SENP1: variants seen among roughly 807,000 people sequenced by gnomAD.
The protein encoded by SENP1 is SUMO specific peptidase 1, also known as sentrin-specific protease 1.
A neutral mutation model predicts 93.0 loss-of-function variants in SENP1; 21 were observed. The ratio of observed to expected loss-of-function variants is 0.23; its 90% confidence interval spans 0.16 to 0.33. SENP1 has a LOEUF of 0.33. SENP1 is among the 10% of genes least tolerant of loss of function. The pLI is 1.00. For missense variants in SENP1, 591 were observed against 758.7 expected (o/e 0.78, Z 2.60); for synonymous variants, 256 against 259.6 (o/e 0.99, Z 0.13).
intron 3 of SENP1, 196 bp downstream of exon 3, chr12:48,097,798 T>C (rs771442413): frequency 1.3e-4 from 65 of 481,796 alleles, no homozygotes; most frequent in Non-Finnish European, 2.0e-4. Flanking sequence ...AAAGAACTCA[T>C]ACATAGCCTA....
intron 11 of SENP1, 104 bp from the exon 12 acceptor site, chr12:48,065,324 G>T: frequency 4.3e-6 from 4 of 936,822 alleles, no homozygotes; most frequent in South Asian, 1.8e-5. Context: ...GTCAAAGAGC[G>T]TGCTTAAATG....
intron 13 of SENP1, among the ~76,000 whole-genome samples, chr12:48,060,099 G>A (rs12580764): frequency 0.23 from 34,347 of 151,996 alleles, 4,558 homozygotes; most frequent in East Asian, 0.55. Context: ...ACCCTAGAAA[G>A]CTGGGGATAT....
At chr12:48,095,475 G>T (rs1164415870) in intron 4 of SENP1, among the ~76,000 whole-genome samples, 1 of 147,580 alleles carries the variant, frequency 6.8e-6, no homozygotes, top group Non-Finnish European at 1.5e-5. Context: ...GGCAGAGGTT[G>T]CAGTGAGCTG....
In SENP1 at chr12:48,074,672, T is replaced by C. The variant is rs1455745024; in HGVS notation, c.656+18A>G. On this transcript the variant is annotated intron_variant, in intron 7 of 17. Coordinates refer to ENST00000549518, the MANE Select transcript of SENP1 (RefSeq NM_001267594.2). ...ATTGTAGAATTAAATTCATCTGAAATATGCTTCTGTGACTCACAGGTGTAA... is the reference window on the plus strand; with the variant it reads ...ATTGTAGAATTAAATTCATCTGAAACATGCTTCTGTGACTCACAGGTGTAA... 1 of 1,609,766 alleles carries C rather than the reference T, an allele frequency of 6.2e-7. No homozygotes were observed. The highest frequency in any genetic ancestry group is 1.3e-5 in the African/African-American group (1 of 74,818).
intron 4 of SENP1, among the ~76,000 whole-genome samples, chr12:48,093,719 T>TAAAAAA (rs60808565): frequency 2.9e-5 from 4 of 135,816 alleles, no homozygotes; most frequent in Non-Finnish European, 1.6e-5. Context: ...CAGAAAATGA[T>TAAAAAA]AAAAAAAAAA....
chr12:48,087,913 T>G (rs1027301322), intron 5 of SENP1, among the ~76,000 whole-genome samples: 1 of 152,226 alleles, frequency 6.6e-6, no homozygotes, highest in African/African-American at 2.4e-5. Context: ...AAATGTTTAC[T>G]AATATAATAA....
chr12:48,097,928 C>T (rs937220963), intron 3 of SENP1, 66 bp downstream of exon 3: 3 of 1,451,568 alleles, frequency 2.1e-6, no homozygotes, highest in Admixed American at 2.0e-5. Flanking sequence ...ATTTAAACTA[C>T]ATAAGATGAA....
chr12:48,059,101 T>C (rs1001631035), intron 13 of SENP1, among the ~76,000 whole-genome samples: 2 of 152,202 alleles, frequency 1.3e-5, no homozygotes, highest in Non-Finnish European at 2.9e-5. Context: ...TGGTGTTTCT[T>C]CTACTTGGGG....
chr12:48,059,432 G>A (rs1187176258), intron 13 of SENP1, among the ~76,000 whole-genome samples: 4 of 152,116 alleles, frequency 2.6e-5, no homozygotes, highest in East Asian at 3.9e-4. Flanking sequence ...AGAAGTTCAA[G>A]GTCGGTCTTG....
At position 48,072,946 on chromosome 12, in the gene SENP1, C is replaced by T. The variant is rs574642675; in HGVS notation, c.941-1225G>A. Among the ~76,000 whole-genome samples, 80 of 149,024 alleles carry T rather than the reference C, an allele frequency of 5.4e-4. No individual in the cohort carries two copies. The Middle Eastern group carries it at 0.014, about 26-fold the overall frequency. Reference sequence around the variant, plus strand: ...CTACTGTAGTTCATGATCTACAATGCGACTGAATTAGGTGAAAGAAGGGGT... The same window carrying T: ...CTACTGTAGTTCATGATCTACAATGTGACTGAATTAGGTGAAAGAAGGGGT... On this transcript the variant is annotated intron_variant, in intron 8 of 17. Transcript: ENST00000549518.
At chr12:48,091,928 G>A (rs1239798935) in intron 4 of SENP1, among the ~76,000 whole-genome samples, 2 of 152,058 alleles carry the variant, frequency 1.3e-5, no homozygotes, top group East Asian at 1.9e-4. Flanking sequence ...TGACACTCCC[G>A]CCTTGGCCTC....
Position 48,102,431 on chromosome 12 carries a change from CAAAAAAAAAAA to C in SENP1, c.-44-926_-44-916del, listed in dbSNP as rs57161608. Among the ~76,000 whole-genome samples, 4 of 47,472 alleles carry C rather than the reference CAAAAAAAAAAA, an allele frequency of 8.4e-5. No homozygotes were observed. The South Asian group carries it at 3.9e-3, about 46-fold the overall frequency. The allele number at this position is 47,472 out of a possible 152,430, so 31.1% of individuals were successfully genotyped here. On this transcript the variant is annotated intron_variant, in intron 1 of 17. Transcript: ENST00000549518. The stretch of plus-strand genomic sequence containing the variant: ...TGGGCGACAGAGCAAGACTCTGTCT[CAAAAAAAAAAA>C]AAAAAAAAAAAACCAAACACAAAAA...
intron 10 of SENP1, 48 bp downstream of exon 10, chr12:48,066,879 T>A: frequency 1.4e-6 from 2 of 1,395,628 alleles, no homozygotes; most frequent in Non-Finnish European, 2.0e-6. Flanking sequence ...TTCTTCTAAC[T>A]AAAAATGAAC....
chr12:48,101,653 T>G (rs1945941679), intron 1 of SENP1, 137 bp from the exon 2 acceptor site: 1 of 560,750 alleles, frequency 1.8e-6, no homozygotes. Flanking sequence ...AAGAGTTGAC[T>G]TGATGGGAAA....
At chr12:48,066,995 A>G (rs1943349493) in intron 9 of SENP1, 30 bp from the exon 10 acceptor site, 3 of 1,458,592 alleles carry the variant, frequency 2.1e-6, no homozygotes, top group South Asian at 2.5e-5. Flanking sequence ...AATTTGACAA[A>G]TGAGCAGGAG....
intron 13 of SENP1, among the ~76,000 whole-genome samples, chr12:48,058,665 T>C (rs1207857007): frequency 1.3e-5 from 2 of 152,206 alleles, no homozygotes; most frequent in African/African-American, 2.4e-5. Flanking sequence ...CTGTATGTTA[T>C]AAATCCCACA....
chr12:48,078,322 T>TATAC (rs1268633303), intron 6 of SENP1, among the ~76,000 whole-genome samples: 2 of 73,738 alleles, frequency 2.7e-5, no homozygotes, highest in African/African-American at 8.5e-5. Context: ...GGATTTTATA[T>TATAC]ATATATATAT....
chr12:48,069,077 C>T (rs1351887221), intron 9 of SENP1, among the ~76,000 whole-genome samples: 2 of 145,732 alleles, frequency 1.4e-5, no homozygotes, highest in African/African-American at 2.6e-5. Context: ...CACTTGAACC[C>T]GGGAGGCGGA....
intron 5 of SENP1, among the ~76,000 whole-genome samples, chr12:48,086,970 C>T (rs1255744123): frequency 6.7e-6 from 1 of 150,334 alleles, no homozygotes; most frequent in African/African-American, 2.5e-5. Context: ...ACCTGGGAGG[C>T]GGAGGTTGCA....
Sources: allele counts gnomAD v4.1 joint callset (sites outside exome capture counted in the v4.1 genomes callset), GRCh38; gene constraint gnomAD v4.1.1; transcripts MANE v1.5; gene names NCBI Gene and HGNC (gene_info 2026-07-23, HGNC 2026-07-21).